SUSD4: variants seen among roughly 807,000 people sequenced by gnomAD.
SUSD4 encodes sushi domain-containing protein 4.
SUSD4 carries 41 observed loss-of-function variants against 50.5 expected under a neutral mutation model. That is an observed-to-expected ratio of 0.81 (90% CI 0.63 to 1.05). SUSD4 has a LOEUF of 1.05. SUSD4 is among the 50% of genes least tolerant of loss of function. The pLI, the probability that SUSD4 is intolerant of heterozygous loss-of-function variation, is 0.00. For missense variants in SUSD4, 580 were observed against 634.7 expected (o/e 0.91, Z 0.93); for synonymous variants, 257 against 257.3 (o/e 1.00, Z 0.01).
chr1:223,264,033 C>T (rs1662306614), intron 5 of SUSD4: 3 of 985,438 alleles, frequency 3.0e-6, no homozygotes, highest in African/African-American at 3.5e-5. Context: ...GAAGTGTTTA[C>T]AGGCTTTTCC....
chr1:223,347,475 CA>C (rs1389784800), intron 2 of SUSD4, among the ~76,000 whole-genome samples: 1 of 152,088 alleles, frequency 6.6e-6, no homozygotes, highest in Non-Finnish European at 1.5e-5. Context: ...CTGAATGCCA[CA>C]ACCCTCTGAT....
chr1:223,227,710 G>A lies in SUSD4; in HGVS notation c.945C>T (p.Thr315=), dbSNP rs748554474. 1.9e-6 allele frequency: 3 copies of A among 1,613,024 alleles called. No individual in the cohort carries two copies. Among genetic ancestry groups the A allele is most frequent in the Non-Finnish European group, 2.5e-6 (3 of 1,179,620 alleles). ...SEQTWPSTHE[T]LLTTWKIVAF... ...CCACAATCTTCCACGTGGTCAGGAGGGTCTCATGGGTGCTGGGCCACGTTT... is the reference window on the plus strand; with the variant it reads ...CCACAATCTTCCACGTGGTCAGGAGAGTCTCATGGGTGCTGGGCCACGTTT... The change falls in exon 7 of 9, where the codon ACC becomes ACT. Residue 315 remains threonine (T), a synonymous_variant. Coordinates refer to ENST00000366878, the MANE Select transcript of SUSD4 (RefSeq NM_017982.4). This position sits in a 1 kb window ranked among gnomAD's most constrained non-coding sequence, Gnocchi z 4.5.
chr1:223,282,014 A>AAAGG (rs1663777131), intron 3 of SUSD4, among the ~76,000 whole-genome samples: 1 of 152,228 alleles, frequency 6.6e-6, no homozygotes, highest in Non-Finnish European at 1.5e-5. Flanking sequence ...TAGACATGGA[A>AAAGG]AAGGCCTTTG....
chr1:223,341,908 A>C (rs193131725), intron 2 of SUSD4, among the ~76,000 whole-genome samples: 13 of 152,222 alleles, frequency 8.5e-5, no homozygotes, highest in Non-Finnish European at 1.3e-4. Flanking sequence ...CGCCAAGTTA[A>C]GTAACTTCTC....
At chr1:223,330,181 C>T (rs950883730) in intron 2 of SUSD4, among the ~76,000 whole-genome samples, 1 of 152,132 alleles carries the variant, frequency 6.6e-6, no homozygotes, top group East Asian at 1.9e-4. Flanking sequence ...TTCCTAAGCA[C>T]GTTCTCAGCT....
At chr1:223,282,253 A>T (rs941743389) in intron 3 of SUSD4, among the ~76,000 whole-genome samples, 5 of 152,214 alleles carry the variant, frequency 3.3e-5, no homozygotes, top group African/African-American at 1.2e-4. Context: ...GTCAGGCAGG[A>T]GAAAGAAATA....
chr1:223,264,192 C>G (rs1478048675), intron 5 of SUSD4: 2 of 985,212 alleles, frequency 2.0e-6, no homozygotes, highest in Admixed American at 6.2e-5. Context: ...TTCAGGCATC[C>G]AAGGGTGTGC....
At chr1:223,264,857 G>A in intron 4 of SUSD4, 39 bp from the exon 5 acceptor site, 1 of 1,597,648 alleles carries the variant, frequency 6.3e-7, no homozygotes, top group Non-Finnish European at 8.5e-7. Flanking sequence ...ATTCCACTCT[G>A]TCATCTCTGT....
In SUSD4 at chr1:223,229,199, G is replaced by T; in HGVS notation, c.914C>A (p.Ser305Ter). 6.3e-7 allele frequency: 1 copy of T among 1,598,142 alleles called. No individual in the cohort carries two copies. The highest frequency in any genetic ancestry group is 1.1e-5 in the South Asian group (1 of 90,644). The change falls in exon 6 of 9, where the codon TCA becomes TAA. Residue 305 changes from serine (S) to a stop codon, truncating the protein, a stop_gained and splice_region_variant. Transcript: ENST00000366878. LOFTEE classifies it high-confidence loss of function. The surrounding 1 kb of genome is among the most constrained non-coding windows in gnomAD (Gnocchi z 4.7). ...AAGGGTGAGGCCTTCAGTCTTACCTGATTTGATGCAGTAGACTTGATAAGA... is the reference window on the plus strand; with the variant it reads ...AAGGGTGAGGCCTTCAGTCTTACCTTATTTGATGCAGTAGACTTGATAAGA... Reference protein sequence around the residue: ...FPSYQVYCIKSEQTWPSTHET... With the variant: ...FPSYQVYCIK
chr1:223,339,869 G>A (rs528810903), intron 2 of SUSD4, among the ~76,000 whole-genome samples: 3 of 152,158 alleles, frequency 2.0e-5, no homozygotes, highest in Non-Finnish European at 4.4e-5. Flanking sequence ...CCACTTTTCC[G>A]CTTACACACA....
chr1:223,316,123 C>T (rs1240157717), intron 2 of SUSD4, among the ~76,000 whole-genome samples: 1 of 152,106 alleles, frequency 6.6e-6, no homozygotes, highest in Non-Finnish European at 1.5e-5. Flanking sequence ...CAGAGAGGTG[C>T]AGCGGGGGCT....
At chr1:223,329,343 C>T (rs2103266937) in intron 2 of SUSD4, among the ~76,000 whole-genome samples, 1 of 152,338 alleles carries the variant, frequency 6.6e-6, no homozygotes, top group Non-Finnish European at 1.5e-5. Flanking sequence ...GTTGTCTGCT[C>T]TGACTTAATA....
At chr1:223,266,722 AGCT>A (rs1045099820) in intron 4 of SUSD4, among the ~76,000 whole-genome samples, 1 of 152,252 alleles carries the variant, frequency 6.6e-6, no homozygotes, top group African/African-American at 2.4e-5. Context: ...CTCAGGCTTT[AGCT>A]CCTGGATCTA....
In SUSD4 at chr1:223,231,799, G is replaced by A. The variant is rs927231648; in HGVS notation, c.725-2411C>T. On this transcript the variant is annotated intron_variant, in intron 5 of 8. Transcript: ENST00000366878. The surrounding 1 kb of genome is among the most constrained non-coding windows in gnomAD (Gnocchi z 4.2). Reference sequence around the variant, plus strand: ...CAAGGAAGGGGTCTCCAGTGGCCCCGGGACTGCCTGGGGGCCCCCTTCCCT... The same window carrying A: ...CAAGGAAGGGGTCTCCAGTGGCCCCAGGACTGCCTGGGGGCCCCCTTCCCT... Among the ~76,000 whole-genome samples the A allele has an allele frequency of 3.3e-5, 5 of 152,130 alleles. No homozygotes were observed. The highest frequency in any genetic ancestry group is 4.1e-4 in the South Asian group (2 of 4,822).
At chr1:223,341,546 G>A (rs1230223207) in intron 2 of SUSD4, among the ~76,000 whole-genome samples, 2 of 146,248 alleles carry the variant, frequency 1.4e-5, no homozygotes, top group Admixed American at 6.9e-5. Flanking sequence ...GCTCCCCCAC[G>A]CAGAACACCC....
At chr1:223,302,793 A>T (rs1375313290) in intron 2 of SUSD4, among the ~76,000 whole-genome samples, 1 of 152,206 alleles carries the variant, frequency 6.6e-6, no homozygotes, top group East Asian at 1.9e-4. Context: ...CGCGTGGGCC[A>T]GGAGAATAAG....
chr1:223,264,430 A>C (rs1662335508), intron 5 of SUSD4, 200 bp downstream of exon 5: 3 of 1,331,784 alleles, frequency 2.3e-6, no homozygotes, highest in Non-Finnish European at 9.6e-7. Context: ...TTTAAGCCTA[A>C]GGATGAGGGA....
chr1:223,281,472 A>G (rs1663723436), intron 3 of SUSD4, among the ~76,000 whole-genome samples: 1 of 152,240 alleles, frequency 6.6e-6, no homozygotes, highest in Non-Finnish European at 1.5e-5. Context: ...CTACGCAAAT[A>G]AACTTGAAAA....
At position 223,220,913 on chromosome 1, in the gene SUSD4, A is replaced by G; in HGVS notation, c.*1279T>C. On this transcript the variant is annotated 3_prime_UTR_variant, in exon 9 of 9. Transcript: ENST00000366878. ...CCAGCCCTCACCACTCTATCAGCAT[A>G]GCAATTTTAAGGATCAGAGCTTTGT... is the stretch of plus-strand genomic sequence containing the variant. 1 of 399,542 alleles carries G rather than the reference A, an allele frequency of 2.5e-6. No homozygotes were observed. Among genetic ancestry groups the G allele is most frequent in the East Asian group, 3.6e-5 (1 of 28,036 alleles). The allele number at this position is 399,542 out of a possible 1,614,324, so 24.7% of individuals were successfully genotyped here.
Sources: gnomAD v4.1 joint callset for allele counts (sites outside exome capture counted in the v4.1 genomes callset) on GRCh38, gnomAD v4.1.1 for gene constraint, Gnocchi (gnomAD v3.1) non-coding constraint, MANE v1.5 for transcripts, NCBI Gene and HGNC (gene_info 2026-07-23, HGNC 2026-07-21) for gene names.